EDARADD: variants seen among roughly 807,000 people sequenced by gnomAD.
EDARADD encodes ectodysplasin-A receptor-associated adapter protein.
In EDARADD, 20 loss-of-function variants were observed where a neutral mutation model predicts 25.6. The observed-to-expected ratio is 0.78, with a 90% CI of 0.55 to 1.14. EDARADD has a LOEUF of 1.14. Ranked by LOEUF, EDARADD falls within the 50% of genes most tolerant of loss-of-function variation. EDARADD has a pLI of 0.00. For missense variants in EDARADD, 225 were observed against 270.1 expected (o/e 0.83, Z 1.17); for synonymous variants, 86 against 94.4 (o/e 0.91, Z 0.52).
At position 236,405,785 on chromosome 1, in the gene EDARADD, C is replaced by CT. The variant is rs1325128393; in HGVS notation, c.62-3428dup. 4.2e-4 allele frequency among the ~76,000 whole-genome samples: 23 copies of CT among 54,456 alleles called. 2 individuals are homozygous for CT. Among genetic ancestry groups the CT allele is most frequent in the African/African-American group, 1.3e-3 (22 of 16,436 alleles). The allele number at this position is 54,456 out of a possible 152,430, so 35.7% of individuals were successfully genotyped here. The stretch of plus-strand genomic sequence containing the variant: ...TCTTTCTTTCTTTCTTTCTTTCTTT[C>CT]TTTCTTTTCTTTTTCTTTCTTTCTT... On this transcript the variant is annotated intron_variant, in intron 1 of 5. Coordinates refer to ENST00000334232, the MANE Select transcript of EDARADD (RefSeq NM_145861.4).
chr1:236,483,087 AAGGAATGCTTAC>A lies in EDARADD; in HGVS notation c.*439_*450del. On this transcript the variant is annotated 3_prime_UTR_variant, in exon 6 of 6. Transcript: ENST00000334232. The stretch of plus-strand genomic sequence containing the variant: ...CCACGGTTTCAAAGAAAACAGCTAC[AAGGAATGCTTAC>A]CTGAGTGTCTGCAGCACCCTCCACT... 1.1e-6 allele frequency: 1 copy of A among 952,066 alleles called. No individual in the cohort carries two copies. The highest frequency in any genetic ancestry group is 1.6e-6 in the Non-Finnish European group (1 of 611,750). 59.0% of individuals were successfully genotyped at this position (952,066 alleles called of 1,614,324 possible). A position where few individuals can be genotyped will look rare whatever the true frequency, so the allele number is the denominator to read the frequency against.
chr1:236,466,801 G>T (rs1659203867), intron 4 of EDARADD, among the ~76,000 whole-genome samples: 1 of 152,216 alleles, frequency 6.6e-6, no homozygotes, highest in Non-Finnish European at 1.5e-5. Flanking sequence ...GGGCACTGTG[G>T]CTCACACCTG....
chr1:236,438,085 C>A (rs544727679), intron 4 of EDARADD, among the ~76,000 whole-genome samples: 4 of 149,420 alleles, frequency 2.7e-5, no homozygotes, highest in African/African-American at 9.9e-5. Flanking sequence ...AGCTGGCTGG[C>A]TTCTCCCTGT....
intron 4 of EDARADD, among the ~76,000 whole-genome samples, chr1:236,446,121 C>T (rs1658530525): frequency 6.6e-6 from 1 of 152,172 alleles, no homozygotes; most frequent in African/African-American, 2.4e-5. Context: ...GAAGAGCGGG[C>T]CATCTTCCTA....
intron 3 of EDARADD, among the ~76,000 whole-genome samples, chr1:236,415,940 C>G (rs959393419): frequency 4.6e-5 from 7 of 152,220 alleles, no homozygotes; most frequent in Non-Finnish European, 2.9e-5. Flanking sequence ...CCAGCACGCA[C>G]TAACGTGAGT....
rs1259703946 is a variant in EDARADD at position 236,414,293 on chromosome 1, C to T, written c.154C>T (p.Pro52Ser). Residue 52 changes from proline (P) to serine (S), a missense_variant, in exon 3 of 6, where the codon CCT becomes TCT. Physicochemically the swap from Pro to Ser is moderately conservative, Grantham distance 74. Transcript: ENST00000334232. ...ATATCCCATTCAAGATACGGAACTC[C>T]CTAAAGGTATGTACAGTTAAAATAA... Reference protein sequence around the residue: ...DKYPIQDTELPKAEECDTITL... With the variant: ...DKYPIQDTELSKAEECDTITL... 1 of 1,609,646 alleles carries T rather than the reference C, an allele frequency of 6.2e-7. No homozygotes were observed. Among genetic ancestry groups the T allele is most frequent in the South Asian group, 1.1e-5 (1 of 91,002 alleles).
intron 3 of EDARADD, among the ~76,000 whole-genome samples, chr1:236,364,730 T>C (rs1013941577): frequency 6.6e-6 from 1 of 152,232 alleles, no homozygotes; most frequent in Non-Finnish European, 1.5e-5. Flanking sequence ...CATTTGAGTA[T>C]GTTGATTTTG....
intron 3 of EDARADD, among the ~76,000 whole-genome samples, chr1:236,354,907 C>T (rs1343841316): frequency 1.3e-5 from 2 of 152,146 alleles, no homozygotes; most frequent in East Asian, 3.9e-4. Context: ...ATGCATTTGG[C>T]TCCCCTCATA....
At chr1:236,366,805 G>A (rs552610343) in intron 3 of EDARADD, among the ~76,000 whole-genome samples, 4 of 149,446 alleles carry the variant, frequency 2.7e-5, no homozygotes, top group African/African-American at 4.9e-5. Context: ...GGCCAGGCGC[G>A]GTGGCTCATG....
At chr1:236,468,351 C>T (rs772480091) in intron 5 of EDARADD, 75 bp downstream of exon 5, 27 of 1,500,052 alleles carry the variant, frequency 1.8e-5, no homozygotes, top group South Asian at 7.9e-5. Flanking sequence ...AGGCCAGGGT[C>T]GGTGACTCAT....
chr1:236,452,596 A>T (rs144675759), intron 4 of EDARADD, among the ~76,000 whole-genome samples: 1,567 of 152,090 alleles, frequency 0.01, 30 homozygotes, highest in African/African-American at 0.035. Context: ...CTCCTCAGCC[A>T]TGTGGAACTC....
rs1558112611 is a variant in EDARADD at position 236,405,815 on chromosome 1, TC to T, written c.62-3399del. On this transcript the variant is annotated intron_variant, in intron 1 of 5. Transcript: ENST00000334232. ...TTTTCTTTTTCTTTCTTTCTTTCCT[TC>T]CTTCCTTTCCTTCCTTCCTTCCTTC... Among the ~76,000 whole-genome samples the T allele has an allele frequency of 3.7e-4, 51 of 138,636 alleles. 1 individual carries two copies. The highest frequency in any genetic ancestry group is 7.7e-4 in the African/African-American group (26 of 33,904). The allele number at this position is 138,636 out of a possible 152,430, so 91.0% of individuals were successfully genotyped here.
intron 3 of EDARADD, among the ~76,000 whole-genome samples, chr1:236,379,249 A>C (rs533450118): frequency 1.3e-5 from 2 of 151,928 alleles, no homozygotes; most frequent in Non-Finnish European, 2.9e-5. Flanking sequence ...GCATGTCTGT[A>C]ATCCCAGCTA....
At chr1:236,426,606 C>T (rs1657925212) in intron 3 of EDARADD, among the ~76,000 whole-genome samples, 1 of 152,194 alleles carries the variant, frequency 6.6e-6, no homozygotes, top group Non-Finnish European at 1.5e-5. Context: ...CTGAAACCCA[C>T]TACCCAAAAA....
intron 4 of EDARADD, among the ~76,000 whole-genome samples, chr1:236,465,120 TAG>T (rs1386426755): frequency 6.6e-6 from 1 of 152,192 alleles, no homozygotes; most frequent in Non-Finnish European, 1.5e-5. Context: ...CCTTCTCTCC[TAG>T]AGGAGTGATG....
At chr1:236,408,492 C>A (rs1449837851) in intron 1 of EDARADD, among the ~76,000 whole-genome samples, 1 of 152,126 alleles carries the variant, frequency 6.6e-6, no homozygotes, top group African/African-American at 2.4e-5. Flanking sequence ...GCGTGAGCCA[C>A]TGCGTCTGGC....
At chr1:236,415,176 GTCA>G (rs1197549266) in intron 3 of EDARADD, among the ~76,000 whole-genome samples, 2 of 152,188 alleles carry the variant, frequency 1.3e-5, no homozygotes, top group African/African-American at 4.8e-5. Flanking sequence ...ATCAGCTATT[GTCA>G]TCAGGAGGAT....
At chr1:236,416,587 C>A (rs1397747616) in intron 3 of EDARADD, among the ~76,000 whole-genome samples, 1 of 152,156 alleles carries the variant, frequency 6.6e-6, no homozygotes, top group Non-Finnish European at 1.5e-5. Context: ...GAAAACCATA[C>A]CCTAGGTCTT....
At chr1:236,350,490 G>A (rs1360255836) in intron 2 of EDARADD, among the ~76,000 whole-genome samples, 1 of 152,162 alleles carries the variant, frequency 6.6e-6, no homozygotes, top group South Asian at 2.1e-4. Flanking sequence ...TGCCAGGCTG[G>A]TCTCGCACTC....
Sources: allele counts gnomAD v4.1 joint callset (sites outside exome capture counted in the v4.1 genomes callset), GRCh38; gene constraint gnomAD v4.1.1; transcripts MANE v1.5; gene names NCBI Gene and HGNC (gene_info 2026-07-23, HGNC 2026-07-21).